The following SGCZ variants were observed in gnomAD, a reference collection of about 807,000 sequenced individuals.
SGCZ encodes the protein zeta-sarcoglycan.
Under a neutral mutation model 41.3 loss-of-function variants are expected in SGCZ, and 40 were observed. The ratio of observed to expected loss-of-function variants is 0.97; its 90% CI spans 0.75 to 1.26. The LOEUF is 1.26. SGCZ is among the 50% of genes most tolerant of loss of function. The pLI is 0.00. For synonymous variants in SGCZ, 206 were observed against 137.5 expected (o/e 1.50, Z -3.49); for missense variants, 552 against 369.8 (o/e 1.49, Z -4.04).
At chr8:14,797,900 C>A (rs1030403346) in intron 1 of SGCZ, among the ~76,000 whole-genome samples, 2 of 152,158 alleles carry the variant, frequency 1.3e-5, no homozygotes, top group Non-Finnish European at 2.9e-5. Flanking sequence ...GCAGTTTACA[C>A]GTGGTGTTGA....
intron 1 of SGCZ, among the ~76,000 whole-genome samples, chr8:15,232,767 GTA>G (rs1170161842): frequency 3.6e-5 from 5 of 139,454 alleles, no homozygotes; most frequent in African/African-American, 5.2e-5. Flanking sequence ...ATATATGTGT[GTA>G]TATATATACA....
intron 1 of SGCZ, among the ~76,000 whole-genome samples, chr8:14,637,570 T>G (rs1293549089): frequency 1.4e-5 from 2 of 142,562 alleles, no homozygotes; most frequent in African/African-American, 2.5e-5. Context: ...GAACATGCAG[T>G]ATTTGTTTTT....
At chr8:15,066,000 T>C (rs903772139) in intron 1 of SGCZ, among the ~76,000 whole-genome samples, 3 of 152,216 alleles carry the variant, frequency 2.0e-5, no homozygotes, top group Non-Finnish European at 2.9e-5. Flanking sequence ...CTAGTATTCA[T>C]ATTAATGGCC....
intron 1 of SGCZ, among the ~76,000 whole-genome samples, chr8:15,131,518 C>T (rs1807899872): frequency 6.6e-6 from 1 of 152,160 alleles, no homozygotes; most frequent in African/African-American, 2.4e-5. Flanking sequence ...TAAGGAAGTT[C>T]CAAATATATC....
intron 1 of SGCZ, among the ~76,000 whole-genome samples, chr8:14,745,019 A>G (rs867077466): frequency 6.6e-6 from 1 of 152,174 alleles, no homozygotes; most frequent in Non-Finnish European, 1.5e-5. Context: ...TCCAATAACA[A>G]TTTCAAAGAC....
At chr8:14,495,180 G>A (rs1159154127) in intron 2 of SGCZ, among the ~76,000 whole-genome samples, 1 of 152,144 alleles carries the variant, frequency 6.6e-6, no homozygotes, top group African/African-American at 2.4e-5. Context: ...AAGAGTTCCT[G>A]CTTTATGGGA....
chr8:14,885,453 A>T lies in SGCZ; in HGVS notation c.40-330527T>A, dbSNP rs373184600. Among the ~76,000 whole-genome samples the T allele has an allele frequency of 2.0e-4, 30 of 152,250 alleles. 1 individual carries two copies. The East Asian group carries it at 3.7e-3, about 19-fold the overall frequency. ...ATGCTGCTATGCAAAACATGTAATTAATTGGGTTGGATCCTTCTTTGATTG... is the reference window on the plus strand; with the variant it reads ...ATGCTGCTATGCAAAACATGTAATTTATTGGGTTGGATCCTTCTTTGATTG... On this transcript the variant is annotated intron_variant, in intron 1 of 7. Coordinates refer to ENST00000382080, the MANE Select transcript of SGCZ (RefSeq NM_139167.4).
At chr8:14,257,943 T>C (rs998865501) in intron 3 of SGCZ, among the ~76,000 whole-genome samples, 1 of 152,176 alleles carries the variant, frequency 6.6e-6, no homozygotes, top group Non-Finnish European at 1.5e-5. Flanking sequence ...TACCTACCAA[T>C]TCAAGATCAA....
At position 14,766,292 on chromosome 8, in the gene SGCZ, A is replaced by G. The variant is rs1800032128; in HGVS notation, c.40-211366T>C. 4.6e-5 allele frequency among the ~76,000 whole-genome samples: 7 copies of G among 152,194 alleles called. No individual in the cohort carries two copies. The South Asian group carries it at 1.5e-3, about 32-fold the overall frequency. On this transcript the variant is annotated intron_variant, in intron 1 of 7. Coordinates refer to ENST00000382080, the MANE Select transcript of SGCZ (RefSeq NM_139167.4). ...CATATTTTTAAGGAAATGCTATTAAATATGCAAAAATAAAAATATATATAT... is the reference window on the plus strand; with the variant it reads ...CATATTTTTAAGGAAATGCTATTAAGTATGCAAAAATAAAAATATATATAT...
At chr8:14,761,129 A>T (rs1385104776) in intron 1 of SGCZ, among the ~76,000 whole-genome samples, 1 of 152,236 alleles carries the variant, frequency 6.6e-6, no homozygotes, top group African/African-American at 2.4e-5. Flanking sequence ...AAAGATAATT[A>T]TTCTGTCACA....
At chr8:15,011,530 A>G (rs1382208708) in intron 1 of SGCZ, among the ~76,000 whole-genome samples, 1 of 152,204 alleles carries the variant, frequency 6.6e-6, no homozygotes, top group East Asian at 1.9e-4. Context: ...TACCTCATTC[A>G]TAAGAACCTA....
chr8:15,039,589 G>T (rs1481984558), intron 1 of SGCZ, among the ~76,000 whole-genome samples: 2 of 152,122 alleles, frequency 1.3e-5, no homozygotes, highest in Non-Finnish European at 2.9e-5. Flanking sequence ...ACTACAGTCA[G>T]TCAATATTTG....
At chr8:15,237,257 C>CCCG (rs1802160151) in intron 1 of SGCZ, among the ~76,000 whole-genome samples, 1 of 152,006 alleles carries the variant, frequency 6.6e-6, no homozygotes, top group African/African-American at 2.4e-5. Context: ...CCGCTGCCCC[C>CCCG]CCCGGGGAGA....
Position 14,870,385 on chromosome 8 carries a change from T to C in SGCZ, c.40-315459A>G, listed in dbSNP as rs901805724. On this transcript the variant is annotated intron_variant, in intron 1 of 7. Transcript: ENST00000382080. The stretch of plus-strand genomic sequence containing the variant: ...TGGTTGGGAAAACTGGCTAGCCATA[T>C]GCAGAAAACTAAAACTGGACCCTTT... Among the ~76,000 whole-genome samples, 84 of 152,160 alleles carry C rather than the reference T, an allele frequency of 5.5e-4. 1 individual carries two copies. The highest frequency in any genetic ancestry group is 1.5e-4 in the Non-Finnish European group (10 of 68,030).
At chr8:14,941,167 A>C (rs1800262976) in intron 1 of SGCZ, among the ~76,000 whole-genome samples, 1 of 152,118 alleles carries the variant, frequency 6.6e-6, no homozygotes, top group Non-Finnish European at 1.5e-5. Context: ...ATGAAGTACC[A>C]CAGGTATTGC....
chr8:14,390,300 T>G (rs927262930), intron 2 of SGCZ, among the ~76,000 whole-genome samples: 4 of 151,838 alleles, frequency 2.6e-5, no homozygotes, highest in African/African-American at 9.7e-5. Flanking sequence ...TAAAATATTA[T>G]TTTGTTTAAT....
At chr8:15,060,524 T>TGGGGGGA (rs1804884847) in intron 1 of SGCZ, among the ~76,000 whole-genome samples, 2 of 36,552 alleles carry the variant, frequency 5.5e-5, no homozygotes, top group Admixed American at 8.6e-4. Flanking sequence ...TGTTGTGGGG[T>TGGGGGGA]GGGGGGAGGG....
At chr8:14,106,907 C>G (rs1036226573) in intron 6 of SGCZ, among the ~76,000 whole-genome samples, 1 of 152,066 alleles carries the variant, frequency 6.6e-6, no homozygotes, top group Admixed American at 6.6e-5. Flanking sequence ...TAAGTAATCA[C>G]CAAATCTTAC....
chr8:14,420,229 T>A (rs1451659122), intron 2 of SGCZ, among the ~76,000 whole-genome samples: 1 of 152,106 alleles, frequency 6.6e-6, no homozygotes, highest in Non-Finnish European at 1.5e-5. Context: ...CATTTTTGTT[T>A]GTTTTAATGA....
Sources: gnomAD v4.1 joint callset for allele counts (sites outside exome capture counted in the v4.1 genomes callset) on GRCh38, gnomAD v4.1.1 for gene constraint, MANE v1.5 for transcripts, NCBI Gene and HGNC (gene_info 2026-07-23, HGNC 2026-07-21) for gene names.